Variants in VAT1L observed in about 807,000 individuals in gnomAD.
VAT1L encodes the protein putative NADPH-dependent quinone oxidoreductase VAT1L.
VAT1L carries 34 observed loss-of-function variants against 44.1 expected under a neutral mutation model. The observed-to-expected ratio is 0.77, with a 90% CI of 0.59 to 1.03. The LOEUF (loss-of-function observed/expected upper bound fraction) is 1.03. Ranked by LOEUF, VAT1L falls within the 50% of genes least tolerant of loss-of-function variation. The pLI, the probability that VAT1L is intolerant of heterozygous loss-of-function variation, is 0.00. For synonymous variants in VAT1L, 253 were observed against 202.2 expected, an observed-to-expected ratio of 1.25 and a Z score of -2.13; for missense variants, 615 against 538.8, an observed-to-expected ratio of 1.14 and a Z score of -1.40.
chr16:77,939,975 A>G (rs1188319657), intron 7 of VAT1L, among the ~76,000 whole-genome samples: 1 of 152,192 alleles, frequency 6.6e-6, no homozygotes, highest in African/African-American at 2.4e-5. Context: ...AGATGCAGTA[A>G]TAGAAATGAG....
At chr16:77,814,427 A>G (rs2016317236) in intron 1 of VAT1L, among the ~76,000 whole-genome samples, 1 of 152,186 alleles carries the variant, frequency 6.6e-6, no homozygotes, top group Non-Finnish European at 1.5e-5. Context: ...TTGAAAAGTC[A>G]GTGTTAGCCT....
intron 7 of VAT1L, among the ~76,000 whole-genome samples, chr16:77,901,967 C>T (rs917355041): frequency 6.6e-6 from 1 of 152,194 alleles, no homozygotes; most frequent in African/African-American, 2.4e-5. Context: ...TTTAGAGAAG[C>T]TATCAGCCAG....
intron 7 of VAT1L, among the ~76,000 whole-genome samples, chr16:77,961,748 G>A (rs2018162543): frequency 6.6e-6 from 1 of 152,122 alleles, no homozygotes; most frequent in Non-Finnish European, 1.5e-5. Context: ...CAGGTCTAAT[G>A]GAAAAGCCTG....
intron 7 of VAT1L, among the ~76,000 whole-genome samples, chr16:77,962,042 C>G (rs779933705): frequency 6.6e-6 from 1 of 152,126 alleles, no homozygotes; most frequent in Non-Finnish European, 1.5e-5. Context: ...AATTCTTTCT[C>G]TCCTCAGTCT....
At chr16:77,811,457 A>C (rs961518351) in intron 1 of VAT1L, among the ~76,000 whole-genome samples, 1 of 152,178 alleles carries the variant, frequency 6.6e-6, no homozygotes, top group African/African-American at 2.4e-5. Context: ...GGACAAGAAG[A>C]CACAGCGGCC....
intron 7 of VAT1L, among the ~76,000 whole-genome samples, chr16:77,885,700 G>A (rs1216079609): frequency 1.3e-5 from 2 of 151,638 alleles, no homozygotes. Context: ...GTACTTTGTT[G>A]TACTTTTGCA....
intron 1 of VAT1L, chr16:77,801,294 C>A (rs906058401): frequency 6.6e-6 from 1 of 152,144 alleles, no homozygotes; most frequent in Non-Finnish European, 1.5e-5. Flanking sequence ...GGCTTCAAAA[C>A]AGGATTACGT....
intron 8 of VAT1L, 119 bp downstream of exon 8, chr16:77,972,052 A>G: frequency 2.3e-6 from 2 of 853,730 alleles, no homozygotes; most frequent in Non-Finnish European, 3.6e-6. Context: ...AGTGGAGGAG[A>G]CCAGGGGTAA....
chr16:77,952,101 CTA>C (rs915695120), intron 7 of VAT1L, among the ~76,000 whole-genome samples: 1 of 152,144 alleles, frequency 6.6e-6, no homozygotes, highest in Non-Finnish European at 1.5e-5. Flanking sequence ...GATAGGGATG[CTA>C]TCTTTCTTGA....
At position 77,788,734 on chromosome 16, in the gene VAT1L, A is replaced by G. The variant is rs1187830437; in HGVS notation, c.52A>G (p.Lys18Glu). 3 of 1,559,382 alleles carry G rather than the reference A, an allele frequency of 1.9e-6. No homozygotes were observed. Among genetic ancestry groups the G allele is most frequent in the Admixed American group, 3.9e-5 (2 of 51,188 alleles). The change falls in exon 1 of 9, where the codon AAG (lysine) becomes GAG (glutamate). Residue 18 changes from lysine (K) to glutamate (E), a missense_variant. By Grantham distance (56) the Lys-to-Glu change is moderately conservative. Coordinates refer to ENST00000302536, the MANE Select transcript of VAT1L (RefSeq NM_020927.3). ...KAEETEQMIE[K>E]EAGKEPAEGG... ...GGAGGAGACGGAGCAAATGATCGAG[A>G]AGGAGGCAGGCAAGGAGCCGGCGGA...
chr16:77,880,591 ATT>A (rs55995217), intron 6 of VAT1L, among the ~76,000 whole-genome samples: 21 of 54,260 alleles, frequency 3.9e-4, no homozygotes, highest in East Asian at 6.6e-4. Flanking sequence ...GTTCCAGGGT[ATT>A]TTTTTTTTTT....
intron 7 of VAT1L, among the ~76,000 whole-genome samples, chr16:77,949,229 G>C (rs2018010460): frequency 6.6e-6 from 1 of 152,172 alleles, no homozygotes; most frequent in Non-Finnish European, 1.5e-5. Flanking sequence ...CAAGATCTCT[G>C]ATCGACTGCC....
chr16:77,867,276 G>A (rs1056731888), intron 4 of VAT1L, among the ~76,000 whole-genome samples: 7 of 152,040 alleles, frequency 4.6e-5, no homozygotes, highest in Non-Finnish European at 1.0e-4. Context: ...GGTGATGAGG[G>A]TTTCACAGGT....
chr16:77,953,086 A>G (rs1160668858), intron 7 of VAT1L, among the ~76,000 whole-genome samples: 1 of 152,170 alleles, frequency 6.6e-6, no homozygotes, highest in African/African-American at 2.4e-5. Context: ...AGAGAATGCC[A>G]TATGATGATG....
At position 77,794,013 on chromosome 16, in the gene VAT1L, T is replaced by G. The variant is rs574950256; in HGVS notation, c.233+5098T>G. Among the ~76,000 whole-genome samples the G allele has an allele frequency of 5.8e-4, 89 of 152,216 alleles. 1 individual carries two copies. Among genetic ancestry groups the G allele is most frequent in the Admixed American group, 1.3e-3 (20 of 15,296 alleles). On this transcript the variant is annotated intron_variant, in intron 1 of 8. Transcript: ENST00000302536. Reference sequence around the variant, plus strand: ...GAGGAAACTGATATTCACAGACACATCAGGATCACAGACTGCTAAGTGGAA... The same window carrying G: ...GAGGAAACTGATATTCACAGACACAGCAGGATCACAGACTGCTAAGTGGAA...
At chr16:77,941,640 C>A (rs2017884957) in intron 7 of VAT1L, among the ~76,000 whole-genome samples, 1 of 152,164 alleles carries the variant, frequency 6.6e-6, no homozygotes, top group Non-Finnish European at 1.5e-5. Flanking sequence ...GGCTGGAGTG[C>A]AATGGCATGA....
chr16:77,790,836 T>G (rs1363268355), intron 1 of VAT1L, among the ~76,000 whole-genome samples: 4 of 152,204 alleles, frequency 2.6e-5, no homozygotes, highest in Admixed American at 2.6e-4. Flanking sequence ...GTTAACTGCA[T>G]AATTGCTGAT....
chr16:77,879,512 A>G lies in VAT1L; in HGVS notation c.882+288A>G, dbSNP rs192568148. Among the ~76,000 whole-genome samples the G allele has an allele frequency of 9.2e-5, 14 of 152,272 alleles. No individual in the cohort carries two copies. Among genetic ancestry groups the G allele is most frequent in the East Asian group, 5.8e-4 (3 of 5,172 alleles). ...CACCGTGTTGGCCAGGATGGTCTCA[A>G]TCTGACCTCGTGATCTGCCCGCCTC... is the stretch of plus-strand genomic sequence containing the variant. On this transcript the variant is annotated intron_variant, in intron 6 of 8. Coordinates refer to ENST00000302536, the MANE Select transcript of VAT1L (RefSeq NM_020927.3). This position sits in a 1 kb window ranked among gnomAD's most constrained non-coding sequence, Gnocchi z 4.1.
intron 7 of VAT1L, among the ~76,000 whole-genome samples, chr16:77,960,745 A>C (rs997914904): frequency 3.3e-5 from 5 of 151,976 alleles, no homozygotes; most frequent in African/African-American, 1.2e-4. Context: ...CCAAGACCCC[A>C]AGGTTGCAGC....
Sources: allele counts gnomAD v4.1 joint callset (sites outside exome capture counted in the v4.1 genomes callset), GRCh38; gene constraint gnomAD v4.1.1; non-coding constraint Gnocchi (gnomAD v3.1); transcripts MANE v1.5; gene names NCBI Gene and HGNC (gene_info 2026-07-23, HGNC 2026-07-21).